Variants in DMXL2 observed in about 807,000 individuals in gnomAD.
DMXL2 encodes the protein dmX-like protein 2.
A neutral mutation model predicts 331.1 loss-of-function variants in DMXL2; 103 were observed. The observed-to-expected ratio is 0.31, with a 90% CI of 0.27 to 0.37. The LOEUF is 0.37. DMXL2 is among the 10% of genes least tolerant of loss of function. The probability of loss-of-function intolerance (pLI) is 1.00; values close to 1 mark genes in which losing one functional copy is unlikely to be tolerated. For synonymous variants in DMXL2, 1,281 were observed against 1,252.1 expected (o/e 1.02, Z -0.49); for missense variants, 3,171 against 3,642.9 (o/e 0.87, Z 3.33).
At chr15:51,586,282 C>G (rs892314251) in intron 1 of DMXL2, among the ~76,000 whole-genome samples, 20 of 151,876 alleles carry the variant, frequency 1.3e-4, no homozygotes, top group Non-Finnish European at 2.5e-4. Flanking sequence ...TCAGAAAATG[C>G]AAAATTAACA....
intron 2 of DMXL2, among the ~76,000 whole-genome samples, chr15:51,573,740 G>A (rs914892644): frequency 6.6e-6 from 1 of 152,076 alleles, no homozygotes; most frequent in Non-Finnish European, 1.5e-5. Flanking sequence ...AATACCTAAT[G>A]TAGATGATGG....
At position 51,479,459 on chromosome 15, in the gene DMXL2, C is replaced by T. The variant is rs79967581; in HGVS notation, c.6756+489G>A. On this transcript the variant is annotated intron_variant, in intron 25 of 43. Transcript: ENST00000560891. ...CTTAGCACAGGGTATCAATATAGTT[C>T]GCAGTAGTAACTGCCAAAACTCTGA... Among the ~76,000 whole-genome samples the T allele has an allele frequency of 3.8e-3, 575 of 152,192 alleles. 3 individuals are homozygous for T. Among genetic ancestry groups the T allele is most frequent in the African/African-American group, 0.013 (551 of 41,532 alleles).
In DMXL2 at chr15:51,464,859, G is replaced by A. The variant is rs762723514; in HGVS notation, c.7624C>T (p.Pro2542Ser). The change falls in exon 32 of 44, where the codon CCA becomes TCA. Residue 2542 changes from proline (P) to serine (S), a missense_variant. Pro to Ser is a moderately conservative substitution (Grantham distance 74, BLOSUM62 -1). Around this residue, in one of 7 missense-constraint regions of DMXL2, gnomAD observed 766 missense variants for 940.5 expected, o/e 0.81. Transcript: ENST00000560891. ...TTTTTAATCACAGCAATACCTAATG[G>A]TGATGTTACAGGCAGCTCTACAAGG... ...LEFSELPVTS[P>S]LGIAVIKNLE... is the part of the protein sequence containing the mutation. 5 of 1,613,618 alleles carry A rather than the reference G, an allele frequency of 3.1e-6. No homozygotes were observed. Among genetic ancestry groups the A allele is most frequent in the Non-Finnish European group, 4.2e-6 (5 of 1,179,824 alleles).
intron 1 of DMXL2, among the ~76,000 whole-genome samples, chr15:51,608,452 T>C (rs2053740687): frequency 6.6e-6 from 1 of 152,172 alleles, no homozygotes; most frequent in African/African-American, 2.4e-5. Context: ...TGCAAGAACA[T>C]GTATGTAGTT....
At chr15:51,528,790 C>A (rs2047831506) in intron 13 of DMXL2, among the ~76,000 whole-genome samples, 1 of 151,524 alleles carries the variant, frequency 6.6e-6, no homozygotes, top group Non-Finnish European at 1.5e-5. Context: ...ACATTTCATC[C>A]AACAGCTACA....
intron 29 of DMXL2, 114 bp from the exon 30 acceptor site, chr15:51,466,425 ATTAT>A: frequency 2.6e-6 from 1 of 380,856 alleles, no homozygotes; most frequent in Non-Finnish European, 3.9e-6. Flanking sequence ...TTAGTATATA[ATTAT>A]TTTTGTTCTA....
chr15:51,485,973 G>A (rs1300288087), intron 23 of DMXL2, 100 bp downstream of exon 23: 11 of 1,289,158 alleles, frequency 8.5e-6, no homozygotes, highest in African/African-American at 1.5e-5. Flanking sequence ...AAGTTGAAAA[G>A]CAAATCTGGT....
At chr15:51,493,997 T>A (rs1567024673) in intron 19 of DMXL2, among the ~76,000 whole-genome samples, 1 of 152,234 alleles carries the variant, frequency 6.6e-6, no homozygotes, top group African/African-American at 2.4e-5. Flanking sequence ...AGCACATTTC[T>A]GAAGGGCATT....
At position 51,499,715 on chromosome 15, in the gene DMXL2, T is replaced by C. The variant is rs1309680747; in HGVS notation, c.3509A>G (p.His1170Arg). 1 of 1,614,078 alleles carries C rather than the reference T, an allele frequency of 6.2e-7. No individual in the cohort carries two copies. The highest frequency in any genetic ancestry group is 8.5e-7 in the Non-Finnish European group (1 of 1,179,996). The change falls in exon 18 of 44, where the codon CAT (histidine) becomes CGT (arginine). Residue 1170 changes from histidine (H) to arginine (R), a missense_variant. His to Arg is a conservative substitution (Grantham distance 29). Coordinates refer to ENST00000560891, the MANE Select transcript of DMXL2 (RefSeq NM_001378457.1). ...ATCTTCTTTTGATACCCAGTCCAAA[T>C]GTACTAAATGTTTGATATTCGGAAT... ...YLIPNIKHLV[H>R]LDWVSKEDGS...
intron 1 of DMXL2, among the ~76,000 whole-genome samples, chr15:51,592,948 C>T (rs2052503561): frequency 6.6e-6 from 1 of 152,164 alleles, no homozygotes; most frequent in Admixed American, 6.5e-5. Context: ...CAGTACCAGC[C>T]ACTGTAAAAA....
chr15:51,500,134 A>C lies in DMXL2; in HGVS notation c.3090T>G (p.Cys1030Trp). ...SDNKVRFWKC[C>W]MEANPECNKS... ...TATTACACTCTGGGTTGGCTTCCATACAACATTTCCAGAAGCGTACTTTAT... is the reference window on the plus strand; with the variant it reads ...TATTACACTCTGGGTTGGCTTCCATCCAACATTTCCAGAAGCGTACTTTAT... Residue 1030 changes from cysteine (C) to tryptophan (W), a missense_variant, in exon 18 of 44, where the codon TGT becomes TGG. By Grantham distance (215) the Cys-to-Trp change is radical. Coordinates refer to ENST00000560891, the MANE Select transcript of DMXL2 (RefSeq NM_001378457.1). 6.2e-7 allele frequency: 1 copy of C among 1,614,194 alleles called. No homozygotes were observed. Among genetic ancestry groups the C allele is most frequent in the Non-Finnish European group, 8.5e-7 (1 of 1,180,020 alleles).
In DMXL2 at chr15:51,498,792, G is replaced by A. The variant is rs188281550; in HGVS notation, c.4432C>T (p.Pro1478Ser). Residue 1478 changes from proline (P) to serine (S), a missense_variant, in exon 18 of 44, where the codon CCA (proline) becomes TCA (serine). Coordinates refer to ENST00000560891, the MANE Select transcript of DMXL2 (RefSeq NM_001378457.1). The part of the protein sequence containing the change: ...YSELFQIQDI[P>S]TDDIDLEPEK... ...GGCTCTAAATCAATATCATCCGTTG[G>A]TATATCCTGGATTTGAAACAGCTCT... The A allele has an allele frequency of 6.2e-7, 1 of 1,614,124 alleles. No individual in the cohort carries two copies. Among genetic ancestry groups the A allele is most frequent in the Non-Finnish European group, 8.5e-7 (1 of 1,180,008 alleles).
At chr15:51,477,278 T>C in intron 26 of DMXL2, among the ~76,000 whole-genome samples, 1 of 152,030 alleles carries the variant, frequency 6.6e-6, no homozygotes, top group East Asian at 1.9e-4. Flanking sequence ...GGGGAAAATA[T>C]AAAAGCGGAA....
Position 51,610,367 on chromosome 15 carries a change from C to T in DMXL2, c.87+12092G>A, listed in dbSNP as rs552469029. Among the ~76,000 whole-genome samples the T allele has an allele frequency of 1.3e-4, 20 of 152,192 alleles. No homozygotes were observed. In the South Asian group the frequency reaches 3.7e-3, roughly 28 times the overall value. On this transcript the variant is annotated intron_variant, in intron 1 of 43. Transcript: ENST00000560891. ...CAAAATGAATAAGCAGACAGAAAAG[C>T]GGTAAAGTTTTAGGAGATTTAAAGA...
At chr15:51,482,274 G>A (rs897121615) in intron 23 of DMXL2, among the ~76,000 whole-genome samples, 10 of 152,028 alleles carry the variant, frequency 6.6e-5, no homozygotes, top group Non-Finnish European at 1.2e-4. Flanking sequence ...AAAAAATTCT[G>A]CAAAAAAGCT....
intron 1 of DMXL2, among the ~76,000 whole-genome samples, chr15:51,621,280 C>G (rs151089353): frequency 6.6e-6 from 1 of 152,284 alleles, no homozygotes; most frequent in East Asian, 1.9e-4. Flanking sequence ...TATCACAAAA[C>G]GTCAAAAAAT....
In DMXL2 at chr15:51,542,392, G is replaced by C; in HGVS notation, c.1046C>G (p.Ser349Cys). 1 of 1,613,810 alleles carries C rather than the reference G, an allele frequency of 6.2e-7. No individual in the cohort carries two copies. The highest frequency in any genetic ancestry group is 8.5e-7 in the Non-Finnish European group (1 of 1,179,828). ...TAMHEVQRHI[S>C]HHANALCHFH... ...ATGACAGAGTGCATTTGCATGGTGG[G>C]AAATGTGTCTTTGAACTTCATGCAT... The change falls in exon 9 of 44, where the codon TCC (serine) becomes TGC (cysteine). Residue 349 changes from serine to cysteine, a missense_variant. Around this residue, in one of 7 missense-constraint regions of DMXL2, gnomAD observed 1,674 missense variants for 1,780.2 expected, o/e 0.94. Transcript: ENST00000560891.
At chr15:51,567,535 T>C (rs2141068793) in intron 3 of DMXL2, 1 of 152,268 alleles carries the variant, frequency 6.6e-6, no homozygotes, top group East Asian at 1.9e-4. Context: ...AAGGTATTAG[T>C]GAGCAAAGAC....
chr15:51,483,979 C>T (rs1740488158), intron 23 of DMXL2, among the ~76,000 whole-genome samples: 2 of 152,048 alleles, frequency 1.3e-5, no homozygotes, highest in South Asian at 4.1e-4. Context: ...ACACCTCAGG[C>T]CTGAGGAGCA....
Sources: allele counts gnomAD v4.1 joint callset (sites outside exome capture counted in the v4.1 genomes callset), GRCh38; gene constraint gnomAD v4.1.1; regional missense constraint gnomAD v4.1.1; transcripts MANE v1.5; gene names NCBI Gene and HGNC (gene_info 2026-07-23, HGNC 2026-07-21).